The following COL26A1 variants were observed in gnomAD, a reference collection of about 807,000 sequenced individuals.
COL26A1 encodes collagen type XXVI alpha 1 chain, also known as collagen alpha-1(XXVI) chain.
Under a neutral mutation model 59.3 loss-of-function variants are expected in COL26A1, and 41 were observed. The ratio of observed to expected loss-of-function variants is 0.69; its 90% CI spans 0.54 to 0.90. The LOEUF (loss-of-function observed/expected upper bound fraction) is 0.90, where lower values mean the gene tolerates loss of function less well. Among genes scored for constraint, COL26A1 ranks in the 40% least tolerant of loss-of-function variants. The probability of loss-of-function intolerance (pLI) is 0.00; values close to 1 mark genes in which losing one functional copy is unlikely to be tolerated. For synonymous variants in COL26A1, 266 were observed against 256.0 expected (o/e 1.04, Z -0.37); for missense variants, 612 against 602.3 (o/e 1.02, Z -0.17).
At chr7:101,505,099 T>C (rs1035452702) in intron 3 of COL26A1, among the ~76,000 whole-genome samples, 3 of 152,118 alleles carry the variant, frequency 2.0e-5, no homozygotes, top group South Asian at 2.1e-4. Context: ...GATGGCGCTA[T>C]TGCACTCAGC....
rs58969139 is a variant in COL26A1, at chr7:101,454,268, C to CTTTT, written c.385+6492_385+6495dup. On this transcript the variant is annotated intron_variant, in intron 3 of 12. Transcript: ENST00000313669. ...TTTTTCCTTTCCTTTTCTTTTCTTT[C>CTTTT]TTTTTTTTTTTTTTGTTATGGAGTC... Among the ~76,000 whole-genome samples, 842 of 137,318 alleles carry CTTTT rather than the reference C, an allele frequency of 6.1e-3. 9 individuals are homozygous for CTTTT. Among genetic ancestry groups the CTTTT allele is most frequent in the African/African-American group, 0.011 (414 of 36,598 alleles). The allele number at this position is 137,318 out of a possible 152,430, so 90.1% of individuals were successfully genotyped here.
At chr7:101,534,615 A>G (rs1169797298) in intron 4 of COL26A1, among the ~76,000 whole-genome samples, 1 of 143,270 alleles carries the variant, frequency 7.0e-6, no homozygotes, top group African/African-American at 3.0e-5. Context: ...ATACATACAC[A>G]CACACACAAG....
chr7:101,517,797 C>CTTTT (rs1795060509), intron 3 of COL26A1, among the ~76,000 whole-genome samples: 2 of 116,640 alleles, frequency 1.7e-5, no homozygotes, highest in African/African-American at 6.7e-5. Context: ...CTTCTCCCCG[C>CTTTT]ATTTTTTTTT....
chr7:101,468,170 G>A (rs1224378549), intron 3 of COL26A1, among the ~76,000 whole-genome samples: 2 of 151,918 alleles, frequency 1.3e-5, no homozygotes, highest in Non-Finnish European at 2.9e-5. Flanking sequence ...GGGCATGGTG[G>A]TGCACGCCTG....
rs541419708 is a variant in COL26A1 at position 101,530,243 on chromosome 7, C to T, written c.386-2839C>T. Among the ~76,000 whole-genome samples the T allele has an allele frequency of 5.3e-5, 8 of 151,976 alleles. No individual in the cohort carries two copies. In the South Asian group the frequency reaches 8.3e-4, roughly 16 times the overall value. On this transcript the variant is annotated intron_variant, in intron 3 of 12. Transcript: ENST00000313669. Reference sequence around the variant, plus strand: ...TTTCCCATTAAGGACTTCTTTCAGCCGCACAGGAATCATTGGTTGTGTAAG... The same window carrying T: ...TTTCCCATTAAGGACTTCTTTCAGCTGCACAGGAATCATTGGTTGTGTAAG...
intron 3 of COL26A1, among the ~76,000 whole-genome samples, chr7:101,520,871 C>T (rs1795129985): frequency 6.6e-6 from 1 of 152,194 alleles, no homozygotes; most frequent in South Asian, 2.1e-4. Flanking sequence ...GAAGCCTCAC[C>T]AGATGGCTGA....
chr7:101,531,396 T>G (rs1290705207), intron 3 of COL26A1, among the ~76,000 whole-genome samples: 2 of 152,242 alleles, frequency 1.3e-5, no homozygotes, highest in Non-Finnish European at 2.9e-5. Flanking sequence ...TCCTGCCTGG[T>G]CCCAGAGTCA....
intron 1 of COL26A1, among the ~76,000 whole-genome samples, chr7:101,397,448 TTCC>T (rs1337334277): frequency 6.8e-6 from 1 of 146,592 alleles, no homozygotes; most frequent in African/African-American, 2.6e-5. Flanking sequence ...TCTTTTCTCC[TTCC>T]TCCTTTCTTT....
At chr7:101,376,299 C>T (rs1374125823) in intron 1 of COL26A1, among the ~76,000 whole-genome samples, 4 of 151,894 alleles carry the variant, frequency 2.6e-5, no homozygotes, top group Admixed American at 6.6e-5. Context: ...AGAGTGAGAC[C>T]CTGTCTCAAA....
chr7:101,528,249 A>G (rs1244864022), intron 3 of COL26A1, among the ~76,000 whole-genome samples: 2 of 152,142 alleles, frequency 1.3e-5, no homozygotes, highest in Admixed American at 6.5e-5. Context: ...TAGGTCTTTG[A>G]GAGAGCTGGG....
chr7:101,376,449 T>TG (rs1791321297), intron 1 of COL26A1, among the ~76,000 whole-genome samples: 1 of 152,258 alleles, frequency 6.6e-6, no homozygotes, highest in African/African-American at 2.4e-5. Context: ...GGGGGCTAAA[T>TG]GCTGAGGACT....
At chr7:101,490,015 CA>C (rs1794423302) in intron 3 of COL26A1, among the ~76,000 whole-genome samples, 5 of 150,226 alleles carry the variant, frequency 3.3e-5, no homozygotes, top group Non-Finnish European at 7.4e-5. Flanking sequence ...CGGCTCACTG[CA>C]ACCTCCGCCT....
chr7:101,547,005 G>T, intron 7 of COL26A1, 151 bp from the exon 8 acceptor site: 1 of 574,132 alleles, frequency 1.7e-6, no homozygotes. Flanking sequence ...TGAGCAGTGG[G>T]GGCAACAGTA....
At chr7:101,386,508 T>C (rs924872227) in intron 1 of COL26A1, among the ~76,000 whole-genome samples, 18 of 152,206 alleles carry the variant, frequency 1.2e-4, no homozygotes, top group African/African-American at 4.1e-4. Flanking sequence ...TGGCTTGCTT[T>C]GTTCTCGTTT....
intron 3 of COL26A1, among the ~76,000 whole-genome samples, chr7:101,456,546 C>T (rs544037076): frequency 6.6e-6 from 1 of 152,190 alleles, no homozygotes; most frequent in East Asian, 1.9e-4. Context: ...TGCCTCTAAT[C>T]CCAGCTACTC....
chr7:101,467,667 A>C (rs1033437755), intron 3 of COL26A1, among the ~76,000 whole-genome samples: 1 of 151,898 alleles, frequency 6.6e-6, no homozygotes, highest in African/African-American at 2.4e-5. Context: ...GGAGATCAAG[A>C]CCATCCTGGC....
intron 3 of COL26A1, among the ~76,000 whole-genome samples, chr7:101,530,981 T>C (rs1205739534): frequency 6.6e-6 from 1 of 152,040 alleles, no homozygotes; most frequent in Non-Finnish European, 1.5e-5. Flanking sequence ...TTTTTGTTTT[T>C]TTGTTTTGAG....
At chr7:101,452,468 T>C (rs1442647046) in intron 3 of COL26A1, among the ~76,000 whole-genome samples, 2 of 152,176 alleles carry the variant, frequency 1.3e-5, no homozygotes, top group Non-Finnish European at 2.9e-5. Context: ...ATAAACCACA[T>C]TGATATGATC....
chr7:101,538,637 AG>A (rs1373616764), intron 4 of COL26A1, among the ~76,000 whole-genome samples: 2 of 151,432 alleles, frequency 1.3e-5, no homozygotes, highest in East Asian at 3.9e-4. Flanking sequence ...AGAGGGGTGG[AG>A]GGGGAGCCCG....
Sources: allele counts gnomAD v4.1 joint callset (sites outside exome capture counted in the v4.1 genomes callset), GRCh38; gene constraint gnomAD v4.1.1; transcripts MANE v1.5; gene names NCBI Gene and HGNC (gene_info 2026-07-23, HGNC 2026-07-21).